Variants in ENTREP2 observed in about 807,000 individuals in gnomAD.
The protein encoded by ENTREP2 is endosomal transmembrane epsin interactor 2, also known as protein ENTREP2.
the ENTREP2 span, among the ~76,000 whole-genome samples, chr15:29,355,864 T>C: frequency 6.6e-6 from 1 of 152,140 alleles, no homozygotes; most frequent in Non-Finnish European, 1.5e-5. Context: ...CTGAGCTAAA[T>C]AAGGGGTCCC....
chr15:29,139,033 G>A, the ENTREP2 span, among the ~76,000 whole-genome samples: 2 of 152,244 alleles, frequency 1.3e-5, no homozygotes, highest in East Asian at 3.9e-4. Flanking sequence ...TGGGGAGCAG[G>A]GGGACTGGAG....
chr15:29,317,049 C>T, the ENTREP2 span, among the ~76,000 whole-genome samples: 4 of 152,126 alleles, frequency 2.6e-5, no homozygotes, highest in Admixed American at 1.3e-4. Context: ...CTAAACATCA[C>T]ATCAAAGTAA....
the ENTREP2 span, among the ~76,000 whole-genome samples, chr15:29,523,909 A>G: frequency 6.6e-6 from 1 of 152,206 alleles, no homozygotes; most frequent in Non-Finnish European, 1.5e-5. Context: ...AGACCTAAAT[A>G]TAAGAGGTAA....
At chr15:29,496,920 A>G in the ENTREP2 span, among the ~76,000 whole-genome samples, 2 of 152,208 alleles carry the variant, frequency 1.3e-5, no homozygotes, top group Non-Finnish European at 2.9e-5. Flanking sequence ...TCATAAAACA[A>G]GTTGGAAGAT....
At chr15:29,193,834 T>C in the ENTREP2 span, among the ~76,000 whole-genome samples, 6 of 152,172 alleles carry the variant, frequency 3.9e-5, no homozygotes, top group Non-Finnish European at 7.3e-5. Flanking sequence ...CAAATTTCTA[T>C]GTGCTAGCAG....
the ENTREP2 span, among the ~76,000 whole-genome samples, chr15:29,556,237 G>A: frequency 6.6e-6 from 1 of 152,156 alleles, no homozygotes; most frequent in Non-Finnish European, 1.5e-5. Context: ...AGCCTGGGCT[G>A]TAGAGAGAGA....
the ENTREP2 span, among the ~76,000 whole-genome samples, chr15:29,396,664 T>A: frequency 7.0e-3 from 1,061 of 152,328 alleles, 14 homozygotes; most frequent in African/African-American, 0.024. Flanking sequence ...TTTGGCATCA[T>A]ATCCAAGAAA....
At chr15:29,426,781 A>C in the ENTREP2 span, among the ~76,000 whole-genome samples, 1 of 152,024 alleles carries the variant, frequency 6.6e-6, no homozygotes, top group African/African-American at 2.4e-5. Context: ...TGTGCCATTT[A>C]CTCCATTGGC....
At chr15:29,356,540 C>T in the ENTREP2 span, among the ~76,000 whole-genome samples, 9 of 151,164 alleles carry the variant, frequency 6.0e-5, no homozygotes, top group African/African-American at 1.9e-4. Flanking sequence ...CTCCTGACCT[C>T]GTGATCCGCC....
At chr15:29,350,877 G>A in the ENTREP2 span, among the ~76,000 whole-genome samples, 2 of 152,204 alleles carry the variant, frequency 1.3e-5, no homozygotes, top group Admixed American at 6.5e-5. Context: ...AGGAGGCAGA[G>A]GCTGCAGTGA....
At chr15:29,391,957 T>G in the ENTREP2 span, among the ~76,000 whole-genome samples, 1 of 152,188 alleles carries the variant, frequency 6.6e-6, no homozygotes, top group African/African-American at 2.4e-5. Flanking sequence ...CCCAAGTAGC[T>G]GGGACTACAG....
chr15:29,598,689 T>C, the ENTREP2 span, among the ~76,000 whole-genome samples: 2 of 117,302 alleles, frequency 1.7e-5, no homozygotes, highest in Non-Finnish European at 4.1e-5. Context: ...AATCTTTTTT[T>C]TCTTTCTTTC....
At chr15:29,246,762 T>C in the ENTREP2 span, among the ~76,000 whole-genome samples, 1 of 152,082 alleles carries the variant, frequency 6.6e-6, no homozygotes, top group African/African-American at 2.4e-5. Flanking sequence ...ATCTTTTAAC[T>C]TATCCTTCAT....
the ENTREP2 span, among the ~76,000 whole-genome samples, chr15:29,262,478 A>G: frequency 6.6e-6 from 1 of 152,170 alleles, no homozygotes; most frequent in Non-Finnish European, 1.5e-5. Flanking sequence ...ACAGTTGTCA[A>G]TCATGCCTAT....
At chr15:29,561,808 G>A in the ENTREP2 span, among the ~76,000 whole-genome samples, 2 of 152,122 alleles carry the variant, frequency 1.3e-5, no homozygotes, top group Non-Finnish European at 2.9e-5. Context: ...AATCATCAAC[G>A]GATGTGAAGT....
the ENTREP2 span, among the ~76,000 whole-genome samples, chr15:29,623,559 G>A: frequency 3.3e-4 from 50 of 152,208 alleles, no homozygotes; most frequent in African/African-American, 1.1e-3. Context: ...ATGCAGCTTG[G>A]GCTCTGGTGG....
the ENTREP2 span, among the ~76,000 whole-genome samples, chr15:29,129,347 T>A: frequency 6.6e-6 from 1 of 152,216 alleles, no homozygotes; most frequent in Non-Finnish European, 1.5e-5. Flanking sequence ...TTACAAGGTG[T>A]GAGCCACCGC....
At chr15:29,320,873 A>G in the ENTREP2 span, among the ~76,000 whole-genome samples, 1 of 152,202 alleles carries the variant, frequency 6.6e-6, no homozygotes, top group Admixed American at 6.5e-5. Context: ...AATAACCACC[A>G]TAAAACACTC....
the ENTREP2 span, among the ~76,000 whole-genome samples, chr15:29,257,922 G>T: frequency 6.6e-6 from 1 of 152,000 alleles, no homozygotes; most frequent in Non-Finnish European, 1.5e-5. Context: ...CATAGAAAGG[G>T]CCAACTTTGC....
Sources: allele counts gnomAD v4.1 joint callset (sites outside exome capture counted in the v4.1 genomes callset), GRCh38; gene constraint gnomAD v4.1.1; transcripts MANE v1.5; gene names NCBI Gene and HGNC (gene_info 2026-07-23, HGNC 2026-07-21).